Variants in ROBO4 observed in about 807,000 individuals in gnomAD.
ROBO4 encodes the protein roundabout homolog 4.
Under a neutral mutation model 103.3 loss-of-function variants are expected in ROBO4, and 80 were observed. The observed-to-expected ratio is 0.77, with a 90% CI of 0.65 to 0.93. The LOEUF (loss-of-function observed/expected upper bound fraction) is 0.93. Among genes scored for constraint, ROBO4 ranks in the 40% least tolerant of loss-of-function variants. ROBO4 has a pLI of 0.00. For missense variants in ROBO4, 1,333 were observed against 1,305.3 expected, an observed-to-expected ratio of 1.02 and a Z score of -0.33; for synonymous variants, 504 against 529.7, an observed-to-expected ratio of 0.95 and a Z score of 0.67.
In ROBO4 at chr11:124,891,443, G is replaced by T. The variant is rs1332050103; in HGVS notation, c.1804C>A (p.Pro602Thr). 6.2e-7 allele frequency: 1 copy of T among 1,600,900 alleles called. No homozygotes were observed. Among genetic ancestry groups the T allele is most frequent in the Admixed American group, 1.7e-5 (1 of 59,438 alleles). Residue 602 changes from proline (P) to threonine (T), a missense_variant, in exon 12 of 18, where the codon CCA becomes ACA. Transcript: ENST00000306534. ...STPARPSPQV[P>T]AVRRLPPQLA... ...TGGGGTGGGAGGCGCCTGACAGCTG[G>T]GACCTGGGGACTTGGCCTGGCTGGG... is the stretch of plus-strand genomic sequence containing the variant.
chr11:124,891,468 G>C lies in ROBO4; in HGVS notation c.1779C>G (p.Thr593=), dbSNP rs761186797. Residue 593 remains threonine (T), a synonymous_variant, in exon 12 of 18, where the codon ACC becomes ACG. Transcript: ENST00000306534. ...GGACCTGGGGACTTGGCCTGGCTGG[G>C]GTACTGGAGGGCAGCTCAGCGATGA... ...GSLIAELPSS[T]PARPSPQVPA... The C allele has an allele frequency of 1.2e-6, 2 of 1,611,266 alleles. No individual in the cohort carries two copies. The highest frequency in any genetic ancestry group is 1.7e-6 in the Non-Finnish European group (2 of 1,178,320).
At chr11:124,885,562 C>T (rs1054706389) in intron 16 of ROBO4, among the ~76,000 whole-genome samples, 1 of 151,586 alleles carries the variant, frequency 6.6e-6, no homozygotes, top group Non-Finnish European at 1.5e-5. Context: ...TCCTTGCCCT[C>T]CCATTTACCA....
chr11:124,889,338 G>T (rs201805410), intron 12 of ROBO4, among the ~76,000 whole-genome samples: 3 of 152,132 alleles, frequency 2.0e-5, no homozygotes, highest in Admixed American at 6.5e-5. Context: ...TTGGTTGGCT[G>T]GTTTGAGTGG....
chr11:124,886,585 G>C lies in ROBO4; in HGVS notation c.2673C>G (p.Ser891Arg). 6.2e-7 allele frequency: 1 copy of C among 1,614,194 alleles called. No individual in the cohort carries two copies. Residue 891 changes from serine to arginine, a missense_variant, in exon 16 of 18, where the codon AGC becomes AGG. Physicochemically the swap from Ser to Arg is moderately radical, Grantham distance 110 (BLOSUM62 -1). Transcript: ENST00000306534. Reference sequence around the variant, plus strand: ...AGGAGCCATCGGAGGAGCTGACAAGGCTGGCTCTGGCGCTGGCGGCATTGT... The same window carrying C: ...AGGAGCCATCGGAGGAGCTGACAAGCCTGGCTCTGGCGCTGGCGGCATTGT... Reference protein sequence around the residue: ...SEDNAASARASLVSSSDGSFL... With the variant: ...SEDNAASARARLVSSSDGSFL...
chr11:124,895,228 G>T (rs372241004), intron 6 of ROBO4, 35 bp from the exon 7 acceptor site: 2 of 1,510,976 alleles, frequency 1.3e-6, no homozygotes, highest in Non-Finnish European at 1.8e-6. Context: ...GAGGGGCTCT[G>T]AGGGAGAGGA....
At chr11:124,885,582 T>C (rs893854148) in intron 16 of ROBO4, among the ~76,000 whole-genome samples, 3 of 149,364 alleles carry the variant, frequency 2.0e-5, no homozygotes, top group African/African-American at 7.4e-5. Context: ...ACAAGCCTGT[T>C]TTTTTTTTTT....
rs1426145771 is a variant in ROBO4, at chr11:124,895,415, C to T, written c.1036+42G>A. The T allele has an allele frequency of 6.4e-6, 10 of 1,570,382 alleles. No individual in the cohort carries two copies. The South Asian group carries it at 7.9e-5, about 12-fold the overall frequency. The stretch of plus-strand genomic sequence containing the variant: ...CAGGGGCCCCCAAATAAGAAGGAGC[C>T]AGAGGGGATATTGTTGGCTTCTGAA... On this transcript the variant is annotated intron_variant, in intron 6 of 17. Transcript: ENST00000306534.
At chr11:124,893,797 T>C in intron 9 of ROBO4, 63 bp downstream of exon 9, 2 of 1,612,802 alleles carry the variant, frequency 1.2e-6, no homozygotes, top group Non-Finnish European at 1.7e-6. Context: ...CCAAAGCCCC[T>C]GCACCATTCT....
rs1424829195 is a variant in ROBO4, at chr11:124,896,953, C to T, written c.379G>A (p.Gly127Ser). 3 of 1,613,410 alleles carry T rather than the reference C, an allele frequency of 1.9e-6. No individual in the cohort carries two copies. The highest frequency in any genetic ancestry group is 2.5e-6 in the Non-Finnish European group (3 of 1,180,006). The change falls in exon 2 of 18, where the codon GGC becomes AGC. Residue 127 changes from glycine to serine, a missense_variant. Physicochemically the swap from Gly to Ser is moderately conservative, Grantham distance 56. Coordinates refer to ENST00000306534, the MANE Select transcript of ROBO4 (RefSeq NM_019055.6). ...SNRLGTAVSR[G>S]ARLSVAVLRE... is the part of the protein sequence containing the mutation. ...TCACCAGCCACAGACAGCCGAGCGCCTCTGCTGACTGCCGTGCCAAGCCGG... is the reference window on the plus strand; with the variant it reads ...TCACCAGCCACAGACAGCCGAGCGCTTCTGCTGACTGCCGTGCCAAGCCGG...
chr11:124,895,573 C>T lies in ROBO4; in HGVS notation c.920G>A (p.Ser307Asn), dbSNP rs764343740. The change falls in exon 6 of 18, where the codon AGC (serine) becomes AAC (asparagine). Residue 307 changes from serine (S) to asparagine (N), a missense_variant. Physicochemically the swap from Ser to Asn is conservative, Grantham distance 46. Transcript: ENST00000306534. ...WAEELLAGWQ[S>N]AELGGLHWGQ... ...CCAGTGGAGGCCTCCAAGCTCTGCGCTCTGCCAGCCGGCCAGCAGCTCCTC... is the reference window on the plus strand; with the variant it reads ...CCAGTGGAGGCCTCCAAGCTCTGCGTTCTGCCAGCCGGCCAGCAGCTCCTC... 4 of 1,613,212 alleles carry T rather than the reference C, an allele frequency of 2.5e-6. No homozygotes were observed. Among genetic ancestry groups the T allele is most frequent in the Admixed American group, 1.7e-5 (1 of 60,004 alleles).
In ROBO4 at chr11:124,884,018, A is replaced by C. The variant is rs371756227; in HGVS notation, c.*873T>G. 15 of 152,298 alleles carry C rather than the reference A, an allele frequency of 9.8e-5. No homozygotes were observed. The East Asian group carries it at 2.5e-3, about 25-fold the overall frequency. The allele number at this position is 152,298 out of a possible 1,614,324, so 9.4% of individuals were successfully genotyped here. ...AAGTTGCCAGGACCAGCAGACCCTG[A>C]AACTCCCCACCCCTGCCCTTCCTAT... On this transcript the variant is annotated 3_prime_UTR_variant, in exon 18 of 18. Coordinates refer to ENST00000306534, the MANE Select transcript of ROBO4 (RefSeq NM_019055.6).
intron 12 of ROBO4, among the ~76,000 whole-genome samples, chr11:124,890,238 A>G (rs1364672552): frequency 2.0e-5 from 3 of 152,220 alleles, no homozygotes; most frequent in Non-Finnish European, 2.9e-5. Context: ...CTTCGCTGAT[A>G]TTTACAGTCA....
At chr11:124,885,978 C>G (rs898044094) in intron 16 of ROBO4, among the ~76,000 whole-genome samples, 8 of 152,102 alleles carry the variant, frequency 5.3e-5, no homozygotes, top group African/African-American at 1.7e-4. Flanking sequence ...CACTTGAGGT[C>G]AGGAGTTCAA....
chr11:124,886,754 G>A lies in ROBO4; in HGVS notation c.2504C>T (p.Thr835Ile). ...PTTYGYISVP[T>I]ASEFTDMGRT... ...GCCCATGTCCGTGAACTCTGAGGCTGTTGGGACGCTGATGTACCCATAGGT... is the reference window on the plus strand; with the variant it reads ...GCCCATGTCCGTGAACTCTGAGGCTATTGGGACGCTGATGTACCCATAGGT... Residue 835 changes from threonine to isoleucine, a missense_variant, in exon 16 of 18, where the codon ACA (threonine) becomes ATA (isoleucine). Transcript: ENST00000306534. The A allele has an allele frequency of 2.5e-6, 4 of 1,576,572 alleles. No homozygotes were observed. The highest frequency in any genetic ancestry group is 2.6e-6 in the Non-Finnish European group (3 of 1,158,320).
chr11:124,891,383 C>G lies in ROBO4; in HGVS notation c.1864G>C (p.Asp622His), dbSNP rs138111911. The G allele has an allele frequency of 7.0e-5, 109 of 1,564,888 alleles. No homozygotes were observed. The highest frequency in any genetic ancestry group is 8.8e-5 in the Non-Finnish European group (102 of 1,155,078). Residue 622 changes from aspartate (D) to histidine (H), a missense_variant, in exon 12 of 18, where the codon GAC (aspartate) becomes CAC (histidine). By Grantham distance (81) the Asp-to-His change is moderately conservative (BLOSUM62 -1). Coordinates refer to ENST00000306534, the MANE Select transcript of ROBO4 (RefSeq NM_019055.6). Reference protein sequence around the residue: ...AQLSSPCSSSDSLCSRRGLSS... With the variant: ...AQLSSPCSSSHSLCSRRGLSS... ...AGTCCCCTGCGGCTGCAGAGGCTGTCTGAGCTGGAACAGGGGCTGGAGAGC... is the reference window on the plus strand; with the variant it reads ...AGTCCCCTGCGGCTGCAGAGGCTGTGTGAGCTGGAACAGGGGCTGGAGAGC...
At position 124,884,816 on chromosome 11, in the gene ROBO4, C is replaced by A. The variant is rs1946684760; in HGVS notation, c.*75G>T. 2 of 1,543,154 alleles carry A rather than the reference C, an allele frequency of 1.3e-6. No homozygotes were observed. The highest frequency in any genetic ancestry group is 1.8e-6 in the Non-Finnish European group (2 of 1,115,438). Reference sequence around the variant, plus strand: ...AGAGAAACACAGGCCAAGACCCACACACCACAGCCCAGGTCTTGTGGGTGG... The same window carrying A: ...AGAGAAACACAGGCCAAGACCCACAAACCACAGCCCAGGTCTTGTGGGTGG... On this transcript the variant is annotated 3_prime_UTR_variant, in exon 18 of 18. Transcript: ENST00000306534.
chr11:124,887,859 T>C lies in ROBO4; in HGVS notation c.1949-19A>G. On this transcript the variant is annotated intron_variant, in intron 12 of 17. Transcript: ENST00000306534. ...TGCAGCTCTGCAAAGAAAGGGTTGG[T>C]GGTTGTGGGGCCCAGGATGGACTTT... 1 of 1,604,784 alleles carries C rather than the reference T, an allele frequency of 6.2e-7. No individual in the cohort carries two copies. The highest frequency in any genetic ancestry group is 8.5e-7 in the Non-Finnish European group (1 of 1,174,878).
At position 124,885,095 on chromosome 11, in the gene ROBO4, A is replaced by G. The variant is rs1268387515; in HGVS notation, c.2947T>C (p.Ser983Pro). ...GRGMPPWPPD[S>P]QISSQRSQLH... ...TGACTTCTCTGGGAAGAGATCTGAG[A>G]GTCAGGGGGCCAGGGAGGCATCCCC... is the stretch of plus-strand genomic sequence containing the variant. The change falls in exon 17 of 18, where the codon TCT becomes CCT. Residue 983 changes from serine (S) to proline (P), a missense_variant. By Grantham distance (74) the Ser-to-Pro change is moderately conservative. Coordinates refer to ENST00000306534, the MANE Select transcript of ROBO4 (RefSeq NM_019055.6). 2 of 1,614,018 alleles carry G rather than the reference A, an allele frequency of 1.2e-6. No individual in the cohort carries two copies. The highest frequency in any genetic ancestry group is 1.7e-6 in the Non-Finnish European group (2 of 1,180,034).
Position 124,884,887 on chromosome 11 carries a change from C to G in ROBO4, c.*4G>C. 1 of 1,614,168 alleles carries G rather than the reference C, an allele frequency of 6.2e-7. No homozygotes were observed. The highest frequency in any genetic ancestry group is 8.5e-7 in the Non-Finnish European group (1 of 1,180,008). On this transcript the variant is annotated 3_prime_UTR_variant, in exon 18 of 18. Transcript: ENST00000306534. ...TCCCGTCTGGGAAGTCTCAGGGACACGGTTCAGGAGTAATCTACAGGAGAA... is the reference window on the plus strand; with the variant it reads ...TCCCGTCTGGGAAGTCTCAGGGACAGGGTTCAGGAGTAATCTACAGGAGAA...
Sources: gnomAD v4.1 joint callset for allele counts (sites outside exome capture counted in the v4.1 genomes callset) on GRCh38, gnomAD v4.1.1 for gene constraint, MANE v1.5 for transcripts, NCBI Gene and HGNC (gene_info 2026-07-23, HGNC 2026-07-21) for gene names.